Variants in IQCE observed in about 807,000 individuals in gnomAD.
IQCE encodes the protein IQ motif containing E.
In IQCE, 115 loss-of-function variants were observed where a neutral mutation model predicts 96.0. The observed-to-expected ratio is 1.20, with a 90% CI of 1.03 to 1.40. The LOEUF is 1.40. Ranked by LOEUF, IQCE falls within the 40% of genes most tolerant of loss-of-function variation. The pLI is 0.00. For synonymous variants in IQCE, 412 were observed against 371.2 expected (o/e 1.11, Z -1.26); for missense variants, 1,041 against 909.1 (o/e 1.15, Z -1.87).
intron 1 of IQCE, among the ~76,000 whole-genome samples, chr7:2,563,376 TGTGTG>T (rs1781113718): frequency 4.3e-5 from 1 of 23,494 alleles, no homozygotes; most frequent in South Asian, 1.2e-3. Flanking sequence ...AATTTTTTGT[TGTGTG>T]TGTGTGTGTG....
chr7:2,581,571 T>A (rs1331619798), intron 8 of IQCE, among the ~76,000 whole-genome samples: 4 of 152,114 alleles, frequency 2.6e-5, no homozygotes, highest in Non-Finnish European at 5.9e-5. Flanking sequence ...CCTGGTGTGG[T>A]GGCTCACACG....
In IQCE at chr7:2,607,176, T is replaced by G. The variant is rs760582098; in HGVS notation, c.1918T>G (p.Ser640Ala). The change falls in exon 21 of 22, where the codon TCA (serine) becomes GCA (alanine). Residue 640 changes from serine to alanine, a missense_variant. Physicochemically the swap from Ser to Ala is moderately conservative, Grantham distance 99. Transcript: ENST00000402050. ...AGCTTCTACCAGGAGGAGATCGGCT[T>G]CAGCCACACACGGGGACGCCTCCTC... The part of the protein sequence containing the change: ...TAASTRRRSA[S>A]ATHGDASSPP... 1.1e-5 allele frequency: 18 copies of G among 1,613,334 alleles called. 1 individual carries two copies. In the South Asian group the frequency reaches 1.8e-4, roughly 16 times the overall value.
intron 14 of IQCE, among the ~76,000 whole-genome samples, chr7:2,591,565 C>T (rs1783587685): frequency 6.6e-6 from 1 of 151,596 alleles, no homozygotes; most frequent in South Asian, 2.1e-4. Context: ...CCACCGAGGC[C>T]CTACCCCAGC....
In IQCE at chr7:2,571,284, A is replaced by G. The variant is rs189051243; in HGVS notation, c.131-242A>G. 1,170 of 426,602 alleles carry G rather than the reference A, an allele frequency of 2.7e-3. 10 individuals are homozygous for G. The highest frequency in any genetic ancestry group is 0.016 in the African/African-American group (794 of 48,588). 26.4% of individuals were successfully genotyped at this position (426,602 alleles called of 1,614,324 possible). On this transcript the variant is annotated intron_variant, in intron 3 of 21. Coordinates refer to ENST00000402050, the MANE Select transcript of IQCE (RefSeq NM_152558.5). ...TTCTCCTGCCTTAGCCTCCCAAGGT[A>G]TTGGTATTATAGGCATGAGCCACCA...
At chr7:2,603,540 T>C (rs1422574515) in intron 18 of IQCE, among the ~76,000 whole-genome samples, 1 of 152,154 alleles carries the variant, frequency 6.6e-6, no homozygotes, top group Admixed American at 6.5e-5. Flanking sequence ...TGAGGCTGCC[T>C]GTGTGGGGCT....
Position 2,604,972 on chromosome 7 carries a change from T to C in IQCE, c.1724T>C (p.Val575Ala). The C allele has an allele frequency of 6.2e-7, 1 of 1,613,250 alleles. No individual in the cohort carries two copies. The highest frequency in any genetic ancestry group is 1.1e-5 in the South Asian group (1 of 91,076). Residue 575 changes from valine to alanine, a missense_variant, in exon 19 of 22, where the codon GTG (valine) becomes GCG (alanine). By Grantham distance (64) the Val-to-Ala change is moderately conservative. Transcript: ENST00000402050. The stretch of plus-strand genomic sequence containing the variant: ...GCACATGGCTCAGAGCCACCCAGCG[T>C]GCCAGGCCTCCCAGACCAGGTAATG... ...SKAHGSEPPSVPGLPDQSSPV... is the reference protein window; with the variant it reads ...SKAHGSEPPSAPGLPDQSSPV...
At chr7:2,572,486 A>G (rs1781828272) in intron 5 of IQCE, among the ~76,000 whole-genome samples, 160 bp downstream of exon 5, 2 of 152,156 alleles carry the variant, frequency 1.3e-5, no homozygotes, top group South Asian at 4.1e-4. Context: ...AGTGACTCAC[A>G]CAGTGACTCA....
intron 2 of IQCE, among the ~76,000 whole-genome samples, chr7:2,567,655 T>A (rs557448688): frequency 1.3e-5 from 2 of 152,378 alleles, no homozygotes; most frequent in African/African-American, 4.8e-5. Context: ...TTTGGCAAGC[T>A]GTGCTGGGTA....
At chr7:2,572,895 T>A (rs577749528) in intron 5 of IQCE, 1 of 362,976 alleles carries the variant, frequency 2.8e-6, no homozygotes, top group Non-Finnish European at 5.3e-6. Context: ...AAGAACAGCC[T>A]CCAGGGTGTA....
At chr7:2,577,285 T>G (rs1782203315) in intron 6 of IQCE, among the ~76,000 whole-genome samples, 1 of 151,730 alleles carries the variant, frequency 6.6e-6, no homozygotes, top group Non-Finnish European at 1.5e-5. Context: ...GTGTGCGCAG[T>G]GGCGTGTGCT....
chr7:2,592,027 C>T (rs971137017), intron 14 of IQCE, among the ~76,000 whole-genome samples: 18 of 144,838 alleles, frequency 1.2e-4, no homozygotes, highest in Non-Finnish European at 2.1e-4. Flanking sequence ...CCACCGCACC[C>T]GGGCCTGCCT....
rs371182758 is a variant in IQCE at position 2,578,323 on chromosome 7, C to G, written c.547C>G (p.Arg183Gly). The part of the protein sequence containing the change: ...RLEEENSRKD[R>G]QIEQLLDPSR... ...GGAGGAGGAAAACAGCAGGAAGGAC[C>G]GGCAGATAGAGCAGCTCCTGGATCC... The change falls in exon 7 of 22, where the codon CGG becomes GGG. Residue 183 changes from arginine (R) to glycine (G), a missense_variant. By Grantham distance (125) the Arg-to-Gly change is moderately radical. Coordinates refer to ENST00000402050, the MANE Select transcript of IQCE (RefSeq NM_152558.5). The G allele has an allele frequency of 8.1e-6, 13 of 1,613,852 alleles. No individual in the cohort carries two copies. The highest frequency in any genetic ancestry group is 3.3e-4 in the Middle Eastern group (2 of 6,080).
chr7:2,578,796 T>C (rs1462108875), intron 8 of IQCE, among the ~76,000 whole-genome samples: 4 of 152,102 alleles, frequency 2.6e-5, no homozygotes, highest in Non-Finnish European at 4.4e-5. Flanking sequence ...TACATTAAGC[T>C]TAACAAGCGC....
At chr7:2,575,654 C>T (rs1045492404) in intron 6 of IQCE, among the ~76,000 whole-genome samples, 7 of 152,164 alleles carry the variant, frequency 4.6e-5, no homozygotes, top group African/African-American at 1.7e-4. Context: ...TGGGGTAGAG[C>T]GGTTCCTGCC....
chr7:2,601,760 G>T (rs1965565), intron 18 of IQCE: 192 of 353,256 alleles, frequency 5.4e-4, no homozygotes, highest in African/African-American at 4.0e-3. Flanking sequence ...GTGTTGGCCA[G>T]GATGGTCTCC....
chr7:2,596,418 T>A (rs1290195911), intron 16 of IQCE, among the ~76,000 whole-genome samples: 29 of 139,836 alleles, frequency 2.1e-4, no homozygotes, highest in Admixed American at 1.8e-3. Context: ...TTTTTTTTTT[T>A]ACTTTCTTTT....
chr7:2,601,449 G>C lies in IQCE; in HGVS notation c.1617G>C (p.Lys539Asn). ...TCTTTTTTTTTTTCCAGAAAAAAAA[G>C]GCTGTTCTGGATGAGGTAAGCGAGG... ...QWKVYKHKKKKAVLDEAAVVL... is the reference protein window; with the variant it reads ...QWKVYKHKKKNAVLDEAAVVL... The change falls in exon 18 of 22, where the codon AAG becomes AAC. Residue 539 changes from lysine to asparagine, a missense_variant. Physicochemically the swap from Lys to Asn is moderately conservative, Grantham distance 94. Coordinates refer to ENST00000402050, the MANE Select transcript of IQCE (RefSeq NM_152558.5). The C allele has an allele frequency of 1.3e-6, 2 of 1,564,842 alleles. No individual in the cohort carries two copies.
intron 8 of IQCE, among the ~76,000 whole-genome samples, chr7:2,579,952 G>A (rs954938588): frequency 2.6e-5 from 4 of 151,934 alleles, no homozygotes; most frequent in African/African-American, 7.3e-5. Context: ...GGGGTCTTGC[G>A]AAGTTTCCCA....
intron 14 of IQCE, among the ~76,000 whole-genome samples, chr7:2,592,716 G>A (rs941978100): frequency 3.3e-5 from 5 of 152,232 alleles, no homozygotes; most frequent in Non-Finnish European, 5.9e-5. Context: ...ACACGGGTGC[G>A]AGGTCCGTGC....
Sources: gnomAD v4.1 joint callset for allele counts (sites outside exome capture counted in the v4.1 genomes callset) on GRCh38, gnomAD v4.1.1 for gene constraint, MANE v1.5 for transcripts, NCBI Gene and HGNC (gene_info 2026-07-23, HGNC 2026-07-21) for gene names.